CEBPZOS: variants seen among roughly 807,000 people sequenced by gnomAD.
The protein encoded by CEBPZOS is CEBPZ opposite strand.
Under a neutral mutation model 4.8 loss-of-function variants are expected in CEBPZOS, and 10 were observed. The observed-to-expected ratio is 2.07, with a 90% CI of 1.28 to 3.52. The LOEUF (loss-of-function observed/expected upper bound fraction) is 3.52. Among genes scored for constraint, CEBPZOS ranks in the 30% most tolerant of loss-of-function variants. The probability of loss-of-function intolerance (pLI) is 0.00; values close to 1 mark genes in which losing one functional copy is unlikely to be tolerated. For synonymous variants in CEBPZOS, 25 were observed against 14.2 expected (o/e 1.77, Z -1.72); for missense variants, 98 against 43.6 (o/e 2.25, Z -3.51).
At chr2:37,214,012 A>G, downstream of CEBPZOS, 1 of 998,848 alleles carries the variant, frequency 1.0e-6, no homozygotes. Flanking sequence ...GTCTAATCTT[A>G]CTATATATCA....
Position 37,203,867 on chromosome 2 carries a change from G to C in CEBPZOS, c.*2007G>C, listed in dbSNP as rs1345155051. On this transcript the variant is annotated 3_prime_UTR_variant, in exon 5 of 5. Transcript: ENST00000402297. ...GTTTTTGAGGCTCATCCATGTTGTA[G>C]TACTCCATGCCATGTTGTGGGCTAC... 6.6e-6 allele frequency: 1 copy of C among 152,030 alleles called. No homozygotes were observed. Among genetic ancestry groups the C allele is most frequent in the Non-Finnish European group, 1.5e-5 (1 of 67,998 alleles). 9.4% of individuals were successfully genotyped at this position (152,030 alleles called of 1,614,324 possible).
At chr2:37,209,658 AAAGAT>A (rs1317419222), downstream of CEBPZOS, 12 of 152,338 alleles carry the variant, frequency 7.9e-5, no homozygotes, top group Middle Eastern at 3.4e-3. Flanking sequence ...TCGAAGACTT[AAAGAT>A]AAGACCTGAA....
At chr2:37,198,974 T>C (rs539301893) in intron 1 of CEBPZOS, among the ~76,000 whole-genome samples, 2 of 151,870 alleles carry the variant, frequency 1.3e-5, no homozygotes, top group Non-Finnish European at 2.9e-5. Flanking sequence ...GGCAACATGG[T>C]GAGACCCTGT....
downstream of CEBPZOS, among the ~76,000 whole-genome samples, chr2:37,206,974 T>C (rs1037448331): frequency 9.2e-5 from 14 of 152,016 alleles, no homozygotes; most frequent in Admixed American, 2.6e-4. Flanking sequence ...TCCATGCAAA[T>C]GGAAACCAAA....
At chr2:37,207,237 C>G (rs10198835), downstream of CEBPZOS, among the ~76,000 whole-genome samples, 6 of 152,072 alleles carry the variant, frequency 3.9e-5, no homozygotes, top group Non-Finnish European at 8.8e-5. Flanking sequence ...CAGCCCTAGA[C>G]GGGTCATCAA....
chr2:37,200,626 G>T (rs184019595), intron 2 of CEBPZOS, among the ~76,000 whole-genome samples: 2 of 151,154 alleles, frequency 1.3e-5, no homozygotes, highest in Non-Finnish European at 2.9e-5. Context: ...CTTGAGCTCA[G>T]TCTGGGCTAA....
intron 4 of CEBPZOS, chr2:37,210,897 T>A: frequency 2.4e-5 from 12 of 493,608 alleles, no homozygotes; most frequent in Non-Finnish European, 3.7e-5. Context: ...CCCCCACCCC[T>A]GAATTTTATT....
rs997519678 is a variant in CEBPZOS, at chr2:37,203,806, G to A, written c.*1946G>A. 9.2e-5 allele frequency: 14 copies of A among 152,130 alleles called. No individual in the cohort carries two copies. Among genetic ancestry groups the A allele is most frequent in the African/African-American group, 3.1e-4 (13 of 41,412 alleles). The allele number at this position is 152,130 out of a possible 1,614,324, so 9.4% of individuals were successfully genotyped here. On this transcript the variant is annotated 3_prime_UTR_variant, in exon 5 of 5. Transcript: ENST00000402297. ...ATATAAATGGGATCATATGACATGT[G>A]GTTTCCTATATCTGACTTTTTTCAT...
At chr2:37,199,098 A>G (rs1677085463) in intron 1 of CEBPZOS, among the ~76,000 whole-genome samples, 1 of 152,206 alleles carries the variant, frequency 6.6e-6, no homozygotes, top group African/African-American at 2.4e-5. Context: ...AGATTGTGCC[A>G]CTGCACTCCA....
chr2:37,214,876 T>G (rs774918894), downstream of CEBPZOS: 2 of 1,564,856 alleles, frequency 1.3e-6, no homozygotes, highest in Non-Finnish European at 1.8e-6. Context: ...AACTATATTA[T>G]GTATAGTACC....
At chr2:37,199,934 T>C (rs1677135560) in intron 2 of CEBPZOS, 115 bp downstream of exon 2, 3 of 623,910 alleles carry the variant, frequency 4.8e-6, no homozygotes, top group East Asian at 2.7e-5. Flanking sequence ...ATTCAAGATA[T>C]TAGACATTTT....
intron 2 of CEBPZOS, 54 bp downstream of exon 2, chr2:37,199,873 C>A (rs1409211485): frequency 5.8e-6 from 4 of 684,992 alleles, no homozygotes; most frequent in Non-Finnish European, 1.1e-5. Flanking sequence ...TTTGCTAATC[C>A]ATTTTATGTG....
chr2:37,204,813 G>A (rs968923335), downstream of CEBPZOS: 2 of 152,166 alleles, frequency 1.3e-5, no homozygotes, highest in African/African-American at 4.8e-5. Flanking sequence ...ATTATCAATT[G>A]AGATCTGAAA....
downstream of CEBPZOS, among the ~76,000 whole-genome samples, chr2:37,206,615 C>A (rs761954657): frequency 6.6e-6 from 1 of 152,144 alleles, no homozygotes; most frequent in Non-Finnish European, 1.5e-5. Flanking sequence ...CTGGGCCTCC[C>A]GAAGTGCTGG....
intron 4 of CEBPZOS, chr2:37,210,858 C>G: frequency 2.1e-6 from 1 of 487,050 alleles, no homozygotes; most frequent in East Asian, 3.3e-5. Flanking sequence ...AAAATAATTT[C>G]CACTTAACAT....
At chr2:37,215,745 G>A (rs1677851749), downstream of CEBPZOS, among the ~76,000 whole-genome samples, 1 of 152,064 alleles carries the variant, frequency 6.6e-6, no homozygotes. Flanking sequence ...AACCAGCTGT[G>A]GGTTTTTGTG....
intron 1 of CEBPZOS, among the ~76,000 whole-genome samples, chr2:37,196,825 G>T (rs996701896): frequency 6.6e-6 from 1 of 152,222 alleles, no homozygotes; most frequent in Non-Finnish European, 1.5e-5. Flanking sequence ...GGGGAAGCGG[G>T]AGCTGGGTGG....
At chr2:37,201,611 CT>C in intron 3 of CEBPZOS, 30 bp from the exon 4 acceptor site, 1 of 687,192 alleles carries the variant, frequency 1.5e-6, no homozygotes, top group Non-Finnish European at 2.6e-6. Context: ...TTCCACATGA[CT>C]TTATAAATGA....
intron 4 of CEBPZOS, chr2:37,209,781 G>A: frequency 6.6e-6 from 1 of 152,032 alleles, no homozygotes; most frequent in African/African-American, 2.4e-5. Flanking sequence ...ACAAATAGAT[G>A]GGACTTAATT....
Sources: allele counts gnomAD v4.1 joint callset (sites outside exome capture counted in the v4.1 genomes callset), GRCh38; gene constraint gnomAD v4.1.1; transcripts MANE v1.5; gene names NCBI Gene and HGNC (gene_info 2026-07-23, HGNC 2026-07-21).